The following GOLM2 variants were observed in gnomAD, a reference collection of about 807,000 sequenced individuals.
GOLM2 encodes protein GOLM2.
GOLM2 carries 26 observed loss-of-function variants against 55.9 expected under a neutral mutation model. The ratio of observed to expected loss-of-function variants is 0.47; its 90% confidence interval spans 0.34 to 0.65. GOLM2 has a LOEUF of 0.65. Among genes scored for constraint, GOLM2 ranks in the 30% least tolerant of loss-of-function variants. The pLI is 0.01. For missense variants in GOLM2, 486 were observed against 531.8 expected (o/e 0.91, Z 0.85); for synonymous variants, 165 against 194.6 (o/e 0.85, Z 1.27).
chr15:44,289,523 C>G lies in GOLM2; in HGVS notation c.327+167C>G, dbSNP rs2078705676. ...TTCTGTCAGACTTTTCCCAGTTTATCAGTGCCACGTTCTCTGGTCCCTGCC... is the reference window on the plus strand; with the variant it reads ...TTCTGTCAGACTTTTCCCAGTTTATGAGTGCCACGTTCTCTGGTCCCTGCC... On this transcript the variant is annotated intron_variant, in intron 1 of 9. Transcript: ENST00000299957. The surrounding 1 kb of genome is among the most constrained non-coding windows in gnomAD (Gnocchi z 4.8). Among the ~76,000 whole-genome samples the G allele has an allele frequency of 6.6e-6, 1 of 152,196 alleles. No homozygotes were observed. The highest frequency in any genetic ancestry group is 1.5e-5 in the Non-Finnish European group (1 of 68,028).
At chr15:44,389,463 G>A (rs926950591) in intron 8 of GOLM2, among the ~76,000 whole-genome samples, 6 of 152,084 alleles carry the variant, frequency 3.9e-5, no homozygotes, top group Non-Finnish European at 7.4e-5. Context: ...GGGAAGCAGA[G>A]GTTGCAGTGA....
intron 6 of GOLM2, among the ~76,000 whole-genome samples, chr15:44,369,705 C>CAT (rs1281612512): frequency 6.7e-6 from 1 of 150,172 alleles, no homozygotes; most frequent in Non-Finnish European, 1.5e-5. Context: ...CACACACACA[C>CAT]ACACACACAC....
intron 6 of GOLM2, among the ~76,000 whole-genome samples, chr15:44,366,063 C>T (rs527922634): frequency 2.0e-5 from 3 of 151,532 alleles, no homozygotes; most frequent in East Asian, 2.0e-4. Flanking sequence ...TTTGGGAGGC[C>T]GAGGTGGGTG....
intron 8 of GOLM2, among the ~76,000 whole-genome samples, chr15:44,395,014 T>C (rs1334567942): frequency 1.4e-5 from 2 of 144,778 alleles, no homozygotes; most frequent in African/African-American, 5.0e-5. Context: ...AAATATAAAC[T>C]TTTTTTTTTT....
intron 6 of GOLM2, among the ~76,000 whole-genome samples, chr15:44,376,116 C>T (rs965760314): frequency 6.6e-6 from 1 of 152,174 alleles, no homozygotes; most frequent in African/African-American, 2.4e-5. Flanking sequence ...GCCTATAATC[C>T]CAGCTACTTG....
At chr15:44,298,398 G>C (rs1471139684) in intron 1 of GOLM2, among the ~76,000 whole-genome samples, 1 of 150,870 alleles carries the variant, frequency 6.6e-6, no homozygotes, top group Non-Finnish European at 1.5e-5. Context: ...CAAGTAGCTG[G>C]GATTATAGGC....
At chr15:44,325,168 C>A (rs545916321) in intron 2 of GOLM2, among the ~76,000 whole-genome samples, 1 of 152,224 alleles carries the variant, frequency 6.6e-6, no homozygotes, top group East Asian at 1.9e-4. Flanking sequence ...TTTTCCTGAT[C>A]CTCTTTCTTC....
At chr15:44,334,240 C>T (rs534621647) in intron 4 of GOLM2, among the ~76,000 whole-genome samples, 1 of 152,154 alleles carries the variant, frequency 6.6e-6, no homozygotes, top group South Asian at 2.1e-4. Flanking sequence ...TCAGCCCTTA[C>T]CCTCTAGATC....
At position 44,293,450 on chromosome 15, in the gene GOLM2, G is replaced by A. The variant is rs542506717; in HGVS notation, c.327+4094G>A. Among the ~76,000 whole-genome samples the A allele has an allele frequency of 7.2e-5, 11 of 152,168 alleles. No homozygotes were observed. In the East Asian group the frequency reaches 1.4e-3, roughly 19 times the overall value. On this transcript the variant is annotated intron_variant, in intron 1 of 9. Coordinates refer to ENST00000299957, the MANE Select transcript of GOLM2 (RefSeq NM_138423.4). ...ATTCCAGGATCTCATCCAGAGTTAC[G>A]TTACATTTAGACATTATGTCTTCTG...
Position 44,289,437 on chromosome 15 carries a change from G to A in GOLM2, c.327+81G>A. The A allele has an allele frequency of 7.9e-7, 1 of 1,267,154 alleles. No homozygotes were observed. The highest frequency in any genetic ancestry group is 1.1e-6 in the Non-Finnish European group (1 of 917,984). The allele number at this position is 1,267,154 out of a possible 1,614,324, so 78.5% of individuals were successfully genotyped here. On this transcript the variant is annotated intron_variant, in intron 1 of 9. Transcript: ENST00000299957. This position sits in a 1 kb window ranked among gnomAD's most constrained non-coding sequence, Gnocchi z 4.8. ...GGGGCGGGATGTTAATCCGCTAGCT[G>A]TTGTCTTATGCCTTCCAGTATTTCA...
chr15:44,342,073 T>A (rs942160083), intron 6 of GOLM2, among the ~76,000 whole-genome samples: 8 of 152,108 alleles, frequency 5.3e-5, no homozygotes, highest in African/African-American at 1.9e-4. Context: ...ATTTTTACAA[T>A]GTGAACTTGC....
At chr15:44,306,180 A>G (rs1378215103) in intron 1 of GOLM2, among the ~76,000 whole-genome samples, 1 of 152,224 alleles carries the variant, frequency 6.6e-6, no homozygotes. Flanking sequence ...TTTCATTTAC[A>G]TGGAAAATGT....
intron 2 of GOLM2, among the ~76,000 whole-genome samples, chr15:44,325,342 T>C (rs1454741797): frequency 6.6e-6 from 1 of 152,236 alleles, no homozygotes; most frequent in African/African-American, 2.4e-5. Flanking sequence ...TTTATTTTTC[T>C]TTGTCAATTG....
intron 6 of GOLM2, among the ~76,000 whole-genome samples, chr15:44,350,341 G>A (rs1645694696): frequency 6.6e-6 from 1 of 152,128 alleles, no homozygotes; most frequent in African/African-American, 2.4e-5. Flanking sequence ...GGTACTATGA[G>A]CAACTATATG....
At position 44,289,131 on chromosome 15, in the gene GOLM2, C is replaced by T; in HGVS notation, c.102C>T (p.Ser34=). The change falls in exon 1 of 10, where the codon AGC becomes AGT. Residue 34 remains serine (S), a synonymous_variant. Coordinates refer to ENST00000299957, the MANE Select transcript of GOLM2 (RefSeq NM_138423.4). This position sits in a 1 kb window ranked among gnomAD's most constrained non-coding sequence, Gnocchi z 4.8. ...TCGTCCTCGCCTTCAACTACTGGAGCATCTCCTCCCGCCACGTCCTGCTTC... is the reference window on the plus strand; with the variant it reads ...TCGTCCTCGCCTTCAACTACTGGAGTATCTCCTCCCGCCACGTCCTGCTTC... The part of the protein sequence containing the change: ...VIVVLAFNYW[S]ISSRHVLLQE... The T allele has an allele frequency of 6.2e-7, 1 of 1,614,202 alleles. No individual in the cohort carries two copies.
chr15:44,294,241 T>A (rs936138933), intron 1 of GOLM2, among the ~76,000 whole-genome samples: 1 of 152,166 alleles, frequency 6.6e-6, no homozygotes, highest in African/African-American at 2.4e-5. Context: ...CAACCATTTC[T>A]CCAAGGAACC....
At chr15:44,324,831 T>A (rs1167522012) in intron 2 of GOLM2, among the ~76,000 whole-genome samples, 1 of 151,870 alleles carries the variant, frequency 6.6e-6, no homozygotes, top group Non-Finnish European at 1.5e-5. Flanking sequence ...ACTAAGGGAG[T>A]ACAGCCATGT....
intron 8 of GOLM2, among the ~76,000 whole-genome samples, chr15:44,382,833 G>T (rs2079413041): frequency 6.7e-6 from 1 of 149,228 alleles, no homozygotes; most frequent in African/African-American, 2.5e-5. Context: ...TGAGGCAGGA[G>T]AATCACTTGA....
intron 6 of GOLM2, among the ~76,000 whole-genome samples, chr15:44,356,640 A>G (rs2079200103): frequency 6.6e-6 from 1 of 152,194 alleles, no homozygotes; most frequent in Non-Finnish European, 1.5e-5. Context: ...CAAATATTTA[A>G]GAAGAAACTA....
Sources: gnomAD v4.1 joint callset for allele counts (sites outside exome capture counted in the v4.1 genomes callset) on GRCh38, gnomAD v4.1.1 for gene constraint, Gnocchi (gnomAD v3.1) non-coding constraint, MANE v1.5 for transcripts, NCBI Gene and HGNC (gene_info 2026-07-23, HGNC 2026-07-21) for gene names.